Variants in LRRC4C observed in about 807,000 individuals in gnomAD.
The protein encoded by LRRC4C is leucine rich repeat containing 4C, also known as leucine-rich repeat-containing protein 4C.
LRRC4C carries 5 observed loss-of-function variants against 33.6 expected under a neutral mutation model. That is an observed-to-expected ratio of 0.15 (90% CI 0.08 to 0.31). The LOEUF (loss-of-function observed/expected upper bound fraction) is 0.31, where lower values mean the gene tolerates loss of function less well. LRRC4C is among the 10% of genes least tolerant of loss of function. The probability of loss-of-function intolerance (pLI) is 1.00; values close to 1 mark genes in which losing one functional copy is unlikely to be tolerated. For synonymous variants in LRRC4C, 329 were observed against 302.0 expected, an observed-to-expected ratio of 1.09 and a Z score of -0.93; for missense variants, 560 against 796.7, an observed-to-expected ratio of 0.70 and a Z score of 3.58.
chr11:40,745,546 G>A (rs546785371), intron 2 of LRRC4C, among the ~76,000 whole-genome samples: 18 of 152,258 alleles, frequency 1.2e-4, no homozygotes, highest in African/African-American at 4.1e-4. Context: ...CAACTTCTGG[G>A]TGGGACATAT....
At chr11:40,714,235 C>T (rs1333016620) in intron 2 of LRRC4C, among the ~76,000 whole-genome samples, 1 of 152,112 alleles carries the variant, frequency 6.6e-6, no homozygotes, top group Non-Finnish European at 1.5e-5. Context: ...GCCAGAACCA[C>T]CATGTCATTT....
At chr11:40,179,010 C>CTTT (rs5791361) in intron 5 of LRRC4C, among the ~76,000 whole-genome samples, 6 of 141,354 alleles carry the variant, frequency 4.2e-5, no homozygotes, top group South Asian at 4.6e-4. Context: ...AACTTTCTTT[C>CTTT]TTTTTTTTTT....
intron 3 of LRRC4C, among the ~76,000 whole-genome samples, chr11:40,473,239 A>G (rs1203415334): frequency 1.3e-5 from 2 of 152,226 alleles, no homozygotes; most frequent in African/African-American, 2.4e-5. Context: ...CAGCACATCA[A>G]AAAGCTTATC....
chr11:41,406,447 G>A (rs565127364), intron 1 of LRRC4C, among the ~76,000 whole-genome samples: 56 of 152,110 alleles, frequency 3.7e-4, no homozygotes, highest in African/African-American at 1.2e-3. Context: ...TCATCATTGC[G>A]TGGGTATCTT....
intron 5 of LRRC4C, among the ~76,000 whole-genome samples, chr11:40,196,983 A>G (rs1040771056): frequency 3.9e-5 from 6 of 152,198 alleles, no homozygotes; most frequent in Admixed American, 6.5e-5. Context: ...GGATAATTCA[A>G]TATCACACTA....
intron 1 of LRRC4C, among the ~76,000 whole-genome samples, chr11:41,213,440 T>C (rs1486750972): frequency 6.6e-6 from 1 of 152,188 alleles, no homozygotes; most frequent in Non-Finnish European, 1.5e-5. Flanking sequence ...GAAAAAGTGT[T>C]AGCAAACTCG....
At chr11:40,189,790 C>T (rs1184802282) in intron 5 of LRRC4C, among the ~76,000 whole-genome samples, 2 of 152,090 alleles carry the variant, frequency 1.3e-5, no homozygotes, top group African/African-American at 2.4e-5. Context: ...ATGAGCATGA[C>T]GGAAATAGTT....
intron 1 of LRRC4C, among the ~76,000 whole-genome samples, chr11:41,401,320 A>G (rs879540052): frequency 2.0e-5 from 3 of 151,982 alleles, no homozygotes; most frequent in Non-Finnish European, 2.9e-5. Context: ...GGTGGTTACC[A>G]TAGATTACAG....
intron 2 of LRRC4C, among the ~76,000 whole-genome samples, chr11:40,693,803 TA>T (rs535481886): frequency 2.1e-3 from 319 of 152,016 alleles, no homozygotes; most frequent in African/African-American, 7.5e-3. Context: ...GGAGGGAAAA[TA>T]AAAGGTGAGT....
intron 3 of LRRC4C, among the ~76,000 whole-genome samples, chr11:40,432,191 T>G: frequency 1.9e-5 from 1 of 53,082 alleles, no homozygotes; most frequent in East Asian, 8.8e-4. Context: ...TGCCATGCAT[T>G]TTTTTTTTCT....
intron 2 of LRRC4C, among the ~76,000 whole-genome samples, chr11:40,663,849 T>C (rs1475598004): frequency 6.6e-6 from 1 of 152,184 alleles, no homozygotes; most frequent in Non-Finnish European, 1.5e-5. Context: ...TTAACACACC[T>C]CACTGAGTAC....
chr11:41,037,655 A>G (rs1857176094), intron 1 of LRRC4C, among the ~76,000 whole-genome samples: 1 of 151,938 alleles, frequency 6.6e-6, no homozygotes, highest in Non-Finnish European at 1.5e-5. Flanking sequence ...TAATTGTTGA[A>G]ACAACCCAAC....
chr11:40,906,202 C>T (rs1956407420), intron 2 of LRRC4C, among the ~76,000 whole-genome samples: 1 of 152,162 alleles, frequency 6.6e-6, no homozygotes, highest in Non-Finnish European at 1.5e-5. Context: ...GACACAATGC[C>T]ATCGCACACT....
intron 1 of LRRC4C, among the ~76,000 whole-genome samples, chr11:40,952,902 T>A (rs879519337): frequency 0.13 from 16,215 of 120,926 alleles, 1,000 homozygotes; most frequent in Non-Finnish European, 0.18. Context: ...ACACACTCTC[T>A]CTCTCTCTCT....
intron 2 of LRRC4C, among the ~76,000 whole-genome samples, chr11:40,714,072 A>G (rs1385452803): frequency 6.6e-6 from 1 of 152,144 alleles, no homozygotes; most frequent in African/African-American, 2.4e-5. Flanking sequence ...CTTTGAAATG[A>G]TCCATATGAT....
At chr11:40,190,513 C>T (rs950683182) in intron 5 of LRRC4C, among the ~76,000 whole-genome samples, 5 of 152,316 alleles carry the variant, frequency 3.3e-5, no homozygotes, top group Admixed American at 1.3e-4. Context: ...AGCTGCACTG[C>T]TGAATTCTAG....
intron 2 of LRRC4C, among the ~76,000 whole-genome samples, chr11:40,918,243 A>C (rs899127173): frequency 3.9e-5 from 6 of 152,118 alleles, no homozygotes; most frequent in Non-Finnish European, 7.4e-5. Flanking sequence ...TGTATGTATT[A>C]AGGCTAAACA....
At chr11:40,795,739 C>A (rs769324813) in intron 2 of LRRC4C, among the ~76,000 whole-genome samples, 1 of 151,928 alleles carries the variant, frequency 6.6e-6, no homozygotes, top group African/African-American at 2.4e-5. Flanking sequence ...TCAAAAGAGA[C>A]GAAATATAAT....
At chr11:40,258,270 A>C (rs1322799346) in intron 4 of LRRC4C, among the ~76,000 whole-genome samples, 1 of 152,166 alleles carries the variant, frequency 6.6e-6, no homozygotes, top group African/African-American at 2.4e-5. Context: ...TGCCTCAGCC[A>C]TAATTAGGAG....
Sources: gnomAD v4.1 joint callset for allele counts (sites outside exome capture counted in the v4.1 genomes callset) on GRCh38, gnomAD v4.1.1 for gene constraint, MANE v1.5 for transcripts, NCBI Gene and HGNC (gene_info 2026-07-23, HGNC 2026-07-21) for gene names.